The following NRXN3 variants were observed in gnomAD, a reference collection of about 807,000 sequenced individuals.
NRXN3 encodes the protein neurexin 3.
Under a neutral mutation model 137.6 loss-of-function variants are expected in NRXN3, and 32 were observed. The ratio of observed to expected loss-of-function variants is 0.23; its 90% CI spans 0.18 to 0.31. NRXN3 has a LOEUF of 0.31. NRXN3 is among the 10% of genes least tolerant of loss of function. The pLI is 1.00. For missense variants in NRXN3, 1,574 were observed against 2,062.5 expected (o/e 0.76, Z 4.59); for synonymous variants, 798 against 784.5 (o/e 1.02, Z -0.29).
intron 19 of NRXN3, among the ~76,000 whole-genome samples, chr14:79,736,646 C>T (rs1474217764): frequency 1.3e-5 from 2 of 152,064 alleles, no homozygotes; most frequent in Admixed American, 6.6e-5. Flanking sequence ...AGGGGGCCAT[C>T]GCGAGTGTGG....
intron 4 of NRXN3, among the ~76,000 whole-genome samples, chr14:78,484,476 G>A (rs1034309004): frequency 6.6e-6 from 1 of 152,138 alleles, no homozygotes; most frequent in Non-Finnish European, 1.5e-5. Flanking sequence ...TCCCTTTAAT[G>A]CATGTATTAC....
intron 3 of NRXN3, among the ~76,000 whole-genome samples, chr14:78,285,705 T>C (rs897952618): frequency 3.9e-5 from 6 of 152,360 alleles, no homozygotes; most frequent in Admixed American, 3.3e-4. Context: ...CTCTTTGTTT[T>C]ATCCCACATC....
In NRXN3 at chr14:78,709,722, C is replaced by T. The variant is rs2098389135; in HGVS notation, c.1660+67C>T. On this transcript the variant is annotated intron_variant, in intron 7 of 20. Transcript: ENST00000335750. Reference sequence around the variant, plus strand: ...TGTAGCTTCTCAGTTTGTTTTTTGGCTTTATGTTTCTTAATTTTCACCCTT... The same window carrying T: ...TGTAGCTTCTCAGTTTGTTTTTTGGTTTTATGTTTCTTAATTTTCACCCTT... 1.6e-5 allele frequency: 23 copies of T among 1,400,128 alleles called. No individual in the cohort carries two copies. The Middle Eastern group carries it at 5.6e-4, about 34-fold the overall frequency. 86.7% of individuals were successfully genotyped at this position (1,400,128 alleles called of 1,614,324 possible).
intron 19 of NRXN3, among the ~76,000 whole-genome samples, chr14:79,762,781 T>A (rs546163264): frequency 5.6e-4 from 85 of 151,862 alleles, no homozygotes; most frequent in Non-Finnish European, 1.0e-3. Flanking sequence ...CTTCTCATTA[T>A]CACCATTACT....
intron 15 of NRXN3, among the ~76,000 whole-genome samples, chr14:79,056,195 A>G (rs1429417305): frequency 6.6e-6 from 1 of 152,210 alleles, no homozygotes; most frequent in South Asian, 2.1e-4. Context: ...GTGCATAGGA[A>G]TAGCTAACAG....
At chr14:78,854,111 A>C (rs929738923) in intron 10 of NRXN3, among the ~76,000 whole-genome samples, 1 of 152,178 alleles carries the variant, frequency 6.6e-6, no homozygotes, top group African/African-American at 2.4e-5. Context: ...CACTTAGCCA[A>C]AGTCAAGCAT....
chr14:79,724,104 GA>G (rs1272579191), intron 19 of NRXN3, among the ~76,000 whole-genome samples: 1 of 152,016 alleles, frequency 6.6e-6, no homozygotes, highest in African/African-American at 2.4e-5. Context: ...CTCAAGAGCT[GA>G]AAAAAAGTGT....
In NRXN3 at chr14:78,988,025, C is replaced by A; in HGVS notation, c.3146C>A (p.Pro1049His). 2 of 1,613,566 alleles carry A rather than the reference C, an allele frequency of 1.2e-6. No homozygotes were observed. The highest frequency in any genetic ancestry group is 8.5e-7 in the Non-Finnish European group (1 of 1,179,792). The change falls in exon 15 of 21, where the codon CCC becomes CAC. Residue 1049 changes from proline (P) to histidine (H), a missense_variant. By Grantham distance (77) the Pro-to-His change is moderately conservative. Transcript: ENST00000335750. ...CCCTCTTCTTGTGCATTACTAGGAC[C>A]CAGTACCACCTGCCAGGAAGATTCA... ...SGQIERGCEG[P>H]STTCQEDSCA...
At chr14:79,556,576 G>A in intron 16 of NRXN3, among the ~76,000 whole-genome samples, 1 of 151,904 alleles carries the variant, frequency 6.6e-6, no homozygotes, top group East Asian at 1.9e-4. Context: ...TTTTTTGGAG[G>A]ACAGGGTCTC....
intron 6 of NRXN3, among the ~76,000 whole-genome samples, chr14:78,666,892 T>A (rs1172901606): frequency 2.6e-5 from 4 of 152,172 alleles, no homozygotes; most frequent in Non-Finnish European, 4.4e-5. Context: ...CTGCAGTTTG[T>A]CTTCAACTTG....
At chr14:79,796,015 CTAAA>C (rs769168898) in intron 19 of NRXN3, among the ~76,000 whole-genome samples, 7 of 152,068 alleles carry the variant, frequency 4.6e-5, no homozygotes, top group Non-Finnish European at 8.8e-5. Context: ...TGGTTAGACC[CTAAA>C]TACTCAAAAT....
At chr14:78,605,611 C>T (rs558511596) in intron 4 of NRXN3, among the ~76,000 whole-genome samples, 1 of 152,092 alleles carries the variant, frequency 6.6e-6, no homozygotes, top group Non-Finnish European at 1.5e-5. Flanking sequence ...ATGGGAGGCG[C>T]CATCTCTGGG....
At chr14:79,323,235 TCTC>T (rs2090333874) in intron 15 of NRXN3, among the ~76,000 whole-genome samples, 1 of 152,132 alleles carries the variant, frequency 6.6e-6, no homozygotes, top group Admixed American at 6.6e-5. Flanking sequence ...AGCAACAAGC[TCTC>T]ACTATGTTGC....
At chr14:78,817,130 G>A (rs140999605) in intron 10 of NRXN3, among the ~76,000 whole-genome samples, 3 of 152,268 alleles carry the variant, frequency 2.0e-5, no homozygotes, top group African/African-American at 4.8e-5. Context: ...AGCACAGACA[G>A]GCATTTAGTG....
intron 17 of NRXN3, among the ~76,000 whole-genome samples, chr14:79,667,072 ATTAATAAT>A (rs1188339883): frequency 1.3e-5 from 2 of 152,050 alleles, no homozygotes; most frequent in African/African-American, 4.8e-5. Flanking sequence ...CAATTTAACT[ATTAATAAT>A]TTAAAGTATC....
chr14:78,524,807 A>T (rs529366215), intron 4 of NRXN3, among the ~76,000 whole-genome samples: 1 of 152,108 alleles, frequency 6.6e-6, no homozygotes, highest in Non-Finnish European at 1.5e-5. Flanking sequence ...CCTAGGCAAA[A>T]TGTTTTAAAA....
intron 19 of NRXN3, among the ~76,000 whole-genome samples, chr14:79,702,108 G>A (rs2098756898): frequency 6.6e-6 from 1 of 151,918 alleles, no homozygotes; most frequent in Non-Finnish European, 1.5e-5. Context: ...GATCCAAGCA[G>A]AATTTAGGGG....
chr14:79,511,345 TGA>T (rs1567338977), intron 16 of NRXN3, among the ~76,000 whole-genome samples: 2 of 152,204 alleles, frequency 1.3e-5, no homozygotes, highest in South Asian at 4.1e-4. Context: ...TGTCAGGATC[TGA>T]GAGAGCCAAG....
chr14:78,667,391 A>G lies in NRXN3; in HGVS notation c.1221+16065A>G, dbSNP rs117183890. 7.4e-3 allele frequency among the ~76,000 whole-genome samples: 1,130 copies of G among 152,340 alleles called. 9 individuals carry two copies. Among genetic ancestry groups the G allele is most frequent in the Non-Finnish European group, 0.013 (892 of 68,030 alleles). On this transcript the variant is annotated intron_variant, in intron 6 of 20. Coordinates refer to ENST00000335750, the MANE Select transcript of NRXN3 (RefSeq NM_001330195.2). ...GTTTCGTAGTGAGTACTCAAGAAAT[A>G]CTAGCTATTTTGTCATTCAGTTGGT... is the stretch of plus-strand genomic sequence containing the variant.
Sources: allele counts gnomAD v4.1 joint callset (sites outside exome capture counted in the v4.1 genomes callset), GRCh38; gene constraint gnomAD v4.1.1; transcripts MANE v1.5; gene names NCBI Gene and HGNC (gene_info 2026-07-23, HGNC 2026-07-21).